Variants in SLC2A2 observed in about 807,000 individuals in gnomAD.
The protein encoded by SLC2A2 is solute carrier family 2 member 2, also known as solute carrier family 2, facilitated glucose transporter member 2.
A neutral mutation model predicts 54.5 loss-of-function variants in SLC2A2; 36 were observed. The observed-to-expected ratio is 0.66, with a 90% CI of 0.51 to 0.87. SLC2A2 has a LOEUF of 0.87. SLC2A2 is among the 40% of genes least tolerant of loss of function. The probability of loss-of-function intolerance (pLI) is 0.00; values close to 1 mark genes in which losing one functional copy is unlikely to be tolerated. For synonymous variants in SLC2A2, 223 were observed against 219.1 expected (o/e 1.02, Z -0.16); for missense variants, 543 against 624.3 (o/e 0.87, Z 1.39).
chr3:170,996,734 T>C lies in SLC2A2; in HGVS notation c.*1169A>G. ...GCCATAGAATAGTTTGGCTAGAATC[T>C]GTATACAGCTAAGACAAAGAAGGAA... On this transcript the variant is annotated 3_prime_UTR_variant, in exon 11 of 11. Transcript: ENST00000314251. 1 of 397,446 alleles carries C rather than the reference T, an allele frequency of 2.5e-6. No individual in the cohort carries two copies. 24.6% of individuals were successfully genotyped at this position (397,446 alleles called of 1,614,324 possible). A position where few individuals can be genotyped will look rare whatever the true frequency, so the allele number is the denominator to read the frequency against.
intron 2 of SLC2A2, among the ~76,000 whole-genome samples, chr3:171,015,305 C>T (rs569206875): frequency 1.3e-5 from 2 of 151,964 alleles, no homozygotes; most frequent in East Asian, 1.9e-4. Flanking sequence ...CCTGTCTCTA[C>T]GAAGAATACT....
chr3:171,026,079 C>A (rs1475303473), intron 1 of SLC2A2, among the ~76,000 whole-genome samples: 1 of 152,152 alleles, frequency 6.6e-6, no homozygotes, highest in African/African-American at 2.4e-5. Context: ...ACAAAGACAT[C>A]CTCCTACATA....
chr3:171,026,174 C>T (rs146568137), intron 1 of SLC2A2, among the ~76,000 whole-genome samples: 232 of 152,250 alleles, frequency 1.5e-3, no homozygotes, highest in African/African-American at 5.1e-3. Flanking sequence ...AATTTCCCAA[C>T]GTCTCCATAG....
In SLC2A2 at chr3:171,026,211, T is replaced by C. The variant is rs1268323152; in HGVS notation, c.15+445A>G. On this transcript the variant is annotated intron_variant, in intron 1 of 10. Transcript: ENST00000314251. ...TCCCTTATTGCTATTTTTTTCTTCCTTCCACAATCTAAATCATTTGTTGCA... is the reference window on the plus strand; with the variant it reads ...TCCCTTATTGCTATTTTTTTCTTCCCTCCACAATCTAAATCATTTGTTGCA... Among the ~76,000 whole-genome samples, 4 of 152,192 alleles carry C rather than the reference T, an allele frequency of 2.6e-5. No homozygotes were observed. The East Asian group carries it at 7.7e-4, about 29-fold the overall frequency.
intron 8 of SLC2A2, among the ~76,000 whole-genome samples, chr3:171,001,493 G>A (rs1715331540): frequency 6.6e-6 from 1 of 151,968 alleles, no homozygotes; most frequent in Admixed American, 6.6e-5. Context: ...GGACAAACCT[G>A]CCTTTTGATC....
chr3:171,002,535 C>T, intron 8 of SLC2A2, 41 bp downstream of exon 8: 2 of 1,316,998 alleles, frequency 1.5e-6, no homozygotes, highest in East Asian at 2.3e-5. Flanking sequence ...AATTTCTGGA[C>T]TAAGGAACAA....
intron 6 of SLC2A2, 80 bp downstream of exon 6, chr3:171,005,863 C>T: frequency 7.2e-7 from 1 of 1,386,198 alleles, no homozygotes; most frequent in Admixed American, 1.7e-5. Flanking sequence ...TAATCACCAA[C>T]TTCATGTGGA....
intron 1 of SLC2A2, among the ~76,000 whole-genome samples, chr3:171,025,285 T>C (rs1716636226): frequency 1.3e-5 from 2 of 150,108 alleles, no homozygotes; most frequent in African/African-American, 4.9e-5. Context: ...GGTGCTTATA[T>C]AATATGTATT....
chr3:171,024,367 A>G (rs954374785), intron 1 of SLC2A2, among the ~76,000 whole-genome samples: 2 of 152,234 alleles, frequency 1.3e-5, no homozygotes, highest in African/African-American at 4.8e-5. Context: ...TGAGGAAGCC[A>G]GGGATCAGAG....
chr3:171,006,187 G>A (rs886517113), intron 5 of SLC2A2, 82 bp from the exon 6 acceptor site: 29 of 1,351,898 alleles, frequency 2.1e-5, no homozygotes, highest in Non-Finnish European at 2.7e-5. Flanking sequence ...AAAGTACTTT[G>A]GCTATTTAAT....
At chr3:171,026,277 A>G (rs891889987) in intron 1 of SLC2A2, among the ~76,000 whole-genome samples, 4 of 151,770 alleles carry the variant, frequency 2.6e-5, no homozygotes, top group Non-Finnish European at 5.9e-5. Flanking sequence ...AATCTAGAGA[A>G]CAACCCTTCT....
At chr3:171,011,965 G>A (rs1315099853) in intron 3 of SLC2A2, among the ~76,000 whole-genome samples, 1 of 152,010 alleles carries the variant, frequency 6.6e-6, no homozygotes, top group South Asian at 2.1e-4. Context: ...ATTAGAAATG[G>A]CCACAAATAA....
rs1191009152 is a variant in SLC2A2, at chr3:170,996,796, A to AC, written c.*1106dup. On this transcript the variant is annotated 3_prime_UTR_variant, in exon 11 of 11. Transcript: ENST00000314251. ...GACGATTATTTTATGTTAGGAACAC[A>AC]CCATAAAACAATCAGTCTTTCCAGG... 3 of 395,012 alleles carry AC rather than the reference A, an allele frequency of 7.6e-6. No homozygotes were observed. Among genetic ancestry groups the AC allele is most frequent in the African/African-American group, 6.2e-5 (3 of 48,504 alleles). The allele number at this position is 395,012 out of a possible 1,614,324, so 24.5% of individuals were successfully genotyped here.
Position 170,997,680 on chromosome 3 carries a change from A to T in SLC2A2, c.*223T>A. 1.8e-6 allele frequency: 1 copy of T among 547,222 alleles called. No individual in the cohort carries two copies. Among genetic ancestry groups the T allele is most frequent in the Non-Finnish European group, 3.2e-6 (1 of 311,546 alleles). The allele number at this position is 547,222 out of a possible 1,614,324, so 33.9% of individuals were successfully genotyped here. On this transcript the variant is annotated 3_prime_UTR_variant, in exon 11 of 11. Coordinates refer to ENST00000314251, the MANE Select transcript of SLC2A2 (RefSeq NM_000340.2). ...ACCTGCCCTTTAGTGTAACAAAATAAACTAGCCTTTTTGGTTTACTTAATT... is the reference window on the plus strand; with the variant it reads ...ACCTGCCCTTTAGTGTAACAAAATATACTAGCCTTTTTGGTTTACTTAATT...
intron 6 of SLC2A2, 72 bp from the exon 7 acceptor site, chr3:171,005,544 A>C: frequency 8.0e-7 from 1 of 1,254,630 alleles, no homozygotes; most frequent in Admixed American, 1.8e-5. Flanking sequence ...ATGTTAATGA[A>C]AGAGCTACAT....
chr3:171,026,563 C>A (rs1189551653), intron 1 of SLC2A2, 93 bp downstream of exon 1: 1 of 1,055,194 alleles, frequency 9.5e-7, no homozygotes, highest in African/African-American at 1.6e-5. Flanking sequence ...GGTAGCTACA[C>A]CCAACCTCCC....
chr3:171,005,418 C>A lies in SLC2A2; in HGVS notation c.830G>T (p.Arg277Ile). 6.2e-7 allele frequency: 1 copy of A among 1,612,698 alleles called. No individual in the cohort carries two copies. The highest frequency in any genetic ancestry group is 8.5e-7 in the Non-Finnish European group (1 of 1,179,156). Residue 277 changes from arginine (R) to isoleucine (I), a missense_variant, in exon 7 of 11, where the codon AGA (arginine) becomes ATA (isoleucine). Transcript: ENST00000314251. Reference protein sequence around the residue: ...DDVTKDINEMRKEREEASSEQ... With the variant: ...DDVTKDINEMIKEREEASSEQ... ...ACTCGATGCTTCTTCTCTTTCTTTT[C>A]TCATTTCATTAATATCTTTGGTGAC...
intron 7 of SLC2A2, among the ~76,000 whole-genome samples, chr3:171,003,323 T>A (rs1298530805): frequency 6.6e-6 from 1 of 151,904 alleles, no homozygotes; most frequent in Non-Finnish European, 1.5e-5. Flanking sequence ...ACTACTATTC[T>A]ATTGATGAGT....
At chr3:171,003,132 A>G (rs1212967746) in intron 7 of SLC2A2, among the ~76,000 whole-genome samples, 1 of 151,990 alleles carries the variant, frequency 6.6e-6, no homozygotes, top group Admixed American at 6.6e-5. Flanking sequence ...AACTCCTGAC[A>G]TCATAGATAA....
Sources: gnomAD v4.1 joint callset for allele counts (sites outside exome capture counted in the v4.1 genomes callset) on GRCh38, gnomAD v4.1.1 for gene constraint, MANE v1.5 for transcripts, NCBI Gene and HGNC (gene_info 2026-07-23, HGNC 2026-07-21) for gene names.